ABCC2: variants seen among roughly 807,000 people sequenced by gnomAD.
ABCC2 encodes ATP binding cassette subfamily C member 2.
Under a neutral mutation model 173.4 loss-of-function variants are expected in ABCC2, and 157 were observed. The observed-to-expected ratio is 0.91, with a 90% confidence interval of 0.80 to 1.03. The LOEUF (loss-of-function observed/expected upper bound fraction) is 1.03. Among genes scored for constraint, ABCC2 ranks in the 50% least tolerant of loss-of-function variants. The probability of loss-of-function intolerance (pLI) is 0.00; values close to 1 mark genes in which losing one functional copy is unlikely to be tolerated. For synonymous variants in ABCC2, 657 were observed against 693.5 expected (o/e 0.95, Z 0.83); for missense variants, 1,822 against 1,852.3 (o/e 0.98, Z 0.30).
chr10:99,823,407 T>C (rs2038574195), intron 19 of ABCC2, among the ~76,000 whole-genome samples: 1 of 152,156 alleles, frequency 6.6e-6, no homozygotes, highest in African/African-American at 2.4e-5. Flanking sequence ...TACAGTTTAT[T>C]GTAATAAATT....
chr10:99,847,148 A>G, intron 30 of ABCC2, 21 bp downstream of exon 30: 1 of 1,613,284 alleles, frequency 6.2e-7, no homozygotes, highest in East Asian at 2.2e-5. Flanking sequence ...ATAGCCTGCT[A>G]CCCCTGCAGG....
chr10:99,804,402 T>C, intron 10 of ABCC2, 129 bp downstream of exon 10: 2 of 1,259,462 alleles, frequency 1.6e-6, no homozygotes, highest in Non-Finnish European at 2.2e-6. Flanking sequence ...ACCATCTCAA[T>C]TGTACTTAGC....
At chr10:99,833,789 T>C (rs2133119243) in intron 23 of ABCC2, among the ~76,000 whole-genome samples, 1 of 152,334 alleles carries the variant, frequency 6.6e-6, no homozygotes, top group Middle Eastern at 3.4e-3. Flanking sequence ...TTACCAATCA[T>C]AGAATCAATA....
intron 2 of ABCC2, among the ~76,000 whole-genome samples, chr10:99,786,676 G>T (rs577904473): frequency 5.1e-4 from 78 of 151,994 alleles, no homozygotes; most frequent in Non-Finnish European, 9.6e-4. Context: ...AGACCAGCTT[G>T]GCCAACACAG....
At chr10:99,834,244 G>A (rs2038783418) in intron 23 of ABCC2, 136 bp from the exon 24 acceptor site, 1 of 920,398 alleles carries the variant, frequency 1.1e-6, no homozygotes, top group Non-Finnish European at 1.7e-6. Flanking sequence ...TATTGCAAAT[G>A]AACACAATGA....
chr10:99,841,893 G>A (rs914461721), intron 25 of ABCC2, 74 bp from the exon 26 acceptor site: 2 of 1,609,840 alleles, frequency 1.2e-6, no homozygotes, highest in Non-Finnish European at 1.7e-6. Flanking sequence ...AGAATGTTCT[G>A]TGAACGCCAA....
intron 16 of ABCC2, among the ~76,000 whole-genome samples, chr10:99,814,327 A>G (rs1399144336): frequency 6.9e-6 from 1 of 144,406 alleles, no homozygotes; most frequent in Non-Finnish European, 1.5e-5. Context: ...ACACGTATGT[A>G]TACACACATG....
rs780758213 is a variant in ABCC2, at chr10:99,845,715, T to C, written c.4079T>C (p.Ile1360Thr). The change falls in exon 29 of 32, where the codon ATT becomes ACT. Residue 1360 changes from isoleucine to threonine, a missense_variant. By Grantham distance (89) the Ile-to-Thr change is moderately conservative. Coordinates refer to ENST00000647814, the MANE Select transcript of ABCC2 (RefSeq NM_000392.5). ...ILEAAGGQII[I>T]DGVDIASIGL... The stretch of plus-strand genomic sequence containing the variant: ...GAGGCTGCCGGTGGTCAGATTATCA[T>C]TGATGGAGTAGATATTGCTTCCATT... 12 of 1,614,014 alleles carry C rather than the reference T, an allele frequency of 7.4e-6. No individual in the cohort carries two copies. Among genetic ancestry groups the C allele is most frequent in the Non-Finnish European group, 9.3e-6 (11 of 1,179,988 alleles).
chr10:99,785,474 A>C (rs1336811592), intron 2 of ABCC2, among the ~76,000 whole-genome samples: 1 of 151,932 alleles, frequency 6.6e-6, no homozygotes, highest in African/African-American at 2.4e-5. Context: ...AAAATCTTCC[A>C]TCTGCTTCTT....
chr10:99,784,335 G>A (rs533578062), intron 1 of ABCC2, among the ~76,000 whole-genome samples: 3 of 152,262 alleles, frequency 2.0e-5, no homozygotes, highest in Admixed American at 6.5e-5. Context: ...GCAGTGGTGA[G>A]GTTTACTCAG....
At chr10:99,806,075 G>GTCTCTC (rs796678291) in intron 11 of ABCC2, among the ~76,000 whole-genome samples, 11 of 107,850 alleles carry the variant, frequency 1.0e-4, no homozygotes, top group African/African-American at 3.6e-4. Flanking sequence ...CTCTCTCTCT[G>GTCTCTC]TCTGTGTGTG....
chr10:99,809,693 C>G (rs1203737633), intron 13 of ABCC2, among the ~76,000 whole-genome samples: 2 of 152,206 alleles, frequency 1.3e-5, no homozygotes, highest in Non-Finnish European at 2.9e-5. Context: ...GGCTATCTGG[C>G]CTATGTGGAA....
rs1378999451 is a variant in ABCC2 at position 99,834,431 on chromosome 10, A to G, written c.3310A>G (p.Thr1104Ala). ...GCCTCAGTCCTTGCGCAGCTGGATT[A>G]CATGCTTCCTGGGGATAATCAGCAC... ...TLPQSLRSWI[T>A]CFLGIISTLV... is the part of the protein sequence containing the mutation. The change falls in exon 24 of 32, where the codon ACA (threonine) becomes GCA (alanine). Residue 1104 changes from threonine to alanine, a missense_variant. By Grantham distance (58) the Thr-to-Ala change is moderately conservative (BLOSUM62 0). Transcript: ENST00000647814. 4 of 1,614,188 alleles carry G rather than the reference A, an allele frequency of 2.5e-6. No homozygotes were observed. Among genetic ancestry groups the G allele is most frequent in the Non-Finnish European group, 3.4e-6 (4 of 1,180,018 alleles).
rs17222639 is a variant in ABCC2, at chr10:99,810,240, T to C, written c.1900+22T>C. The C allele has an allele frequency of 0.041, 65,784 of 1,602,674 alleles. 1,595 individuals are homozygous for C. The highest frequency in any genetic ancestry group is 0.049 in the Non-Finnish European group (57,517 of 1,169,936). Reference sequence around the variant, plus strand: ...TTTGGTAAATAAATTTGGAAGTTGCTTCCCAAACTTATTCGCAGTACTGGT... The same window carrying C: ...TTTGGTAAATAAATTTGGAAGTTGCCTCCCAAACTTATTCGCAGTACTGGT... On this transcript the variant is annotated intron_variant, in intron 14 of 31. Transcript: ENST00000647814.
intron 2 of ABCC2, among the ~76,000 whole-genome samples, chr10:99,787,956 G>A (rs2037746957): frequency 1.3e-5 from 2 of 152,028 alleles, no homozygotes; most frequent in Admixed American, 6.6e-5. Flanking sequence ...CCAGCTACTC[G>A]GGAGGCTGAG....
intron 16 of ABCC2, 38 bp downstream of exon 16, chr10:99,813,182 G>T: frequency 6.2e-7 from 1 of 1,608,478 alleles, no homozygotes; most frequent in South Asian, 1.1e-5. Flanking sequence ...TCTGACTCCC[G>T]AATGTCAGCA....
chr10:99,787,155 CAA>C (rs71305558), intron 2 of ABCC2, among the ~76,000 whole-genome samples: 2 of 144,002 alleles, frequency 1.4e-5, no homozygotes, highest in Non-Finnish European at 1.5e-5. Flanking sequence ...GACTCTGTCT[CAA>C]AAAAAAAAAA....
intron 24 of ABCC2, 133 bp from the exon 25 acceptor site, chr10:99,835,958 G>A (rs2038813679): frequency 2.3e-6 from 2 of 870,642 alleles, no homozygotes; most frequent in African/African-American, 3.3e-5. Flanking sequence ...ACATGGCACT[G>A]CAGGCTTTTG....
chr10:99,786,327 G>T (rs1250592705), intron 2 of ABCC2, among the ~76,000 whole-genome samples: 1 of 152,132 alleles, frequency 6.6e-6, no homozygotes, highest in African/African-American at 2.4e-5. Flanking sequence ...ACATATGTTA[G>T]ACTTTGAACA....
Sources: gnomAD v4.1 joint callset for allele counts (sites outside exome capture counted in the v4.1 genomes callset) on GRCh38, gnomAD v4.1.1 for gene constraint, MANE v1.5 for transcripts, NCBI Gene and HGNC (gene_info 2026-07-23, HGNC 2026-07-21) for gene names.